IMMP2L: variants seen among roughly 807,000 people sequenced by gnomAD.
The protein encoded by IMMP2L is mitochondrial inner membrane protease subunit 2.
Under a neutral mutation model 19.3 loss-of-function variants are expected in IMMP2L, and 18 were observed. That is an observed-to-expected ratio of 0.93 (90% confidence interval 0.64 to 1.38). IMMP2L has a LOEUF of 1.38. IMMP2L is among the 40% of genes most tolerant of loss of function. The pLI, the probability that IMMP2L is intolerant of heterozygous loss-of-function variation, is 0.00. For synonymous variants in IMMP2L, 76 were observed against 73.0 expected (o/e 1.04, Z -0.21); for missense variants, 233 against 218.2 (o/e 1.07, Z -0.43).
intron 3 of IMMP2L, among the ~76,000 whole-genome samples, chr7:111,375,550 G>C (rs1321880747): frequency 2.0e-5 from 3 of 151,710 alleles, no homozygotes; most frequent in Non-Finnish European, 1.5e-5. Flanking sequence ...TTTCAAGATG[G>C]AGTCTTGCTC....
At chr7:111,054,029 T>A (rs1279650690) in intron 3 of IMMP2L, among the ~76,000 whole-genome samples, 3 of 113,518 alleles carry the variant, frequency 2.6e-5, no homozygotes, top group African/African-American at 6.6e-5. Context: ...GAATTGGTAA[T>A]TTGTAATGAC....
chr7:111,319,890 G>A (rs914550338), intron 3 of IMMP2L, among the ~76,000 whole-genome samples: 4 of 151,942 alleles, frequency 2.6e-5, no homozygotes, highest in Admixed American at 6.6e-5. Context: ...ATGGGAGGTC[G>A]TAACAATGAC....
chr7:111,235,879 T>A (rs1027114976), intron 3 of IMMP2L, among the ~76,000 whole-genome samples: 10 of 152,096 alleles, frequency 6.6e-5, no homozygotes, highest in Admixed American at 2.0e-4. Flanking sequence ...TTAGCCATTA[T>A]TCTCTCTGTG....
chr7:110,956,633 T>C (rs748805813), intron 4 of IMMP2L, among the ~76,000 whole-genome samples: 1 of 151,954 alleles, frequency 6.6e-6, no homozygotes, highest in Non-Finnish European at 1.5e-5. Context: ...AGTGTCCTAG[T>C]TTAGATGATA....
At chr7:110,820,164 C>T (rs1008991930) in intron 5 of IMMP2L, among the ~76,000 whole-genome samples, 4 of 151,974 alleles carry the variant, frequency 2.6e-5, no homozygotes, top group Admixed American at 2.0e-4. Flanking sequence ...CTTCAGGGTA[C>T]AATACAAAAT....
intron 3 of IMMP2L, among the ~76,000 whole-genome samples, chr7:110,983,775 C>T (rs1478868750): frequency 1.3e-5 from 2 of 151,852 alleles, no homozygotes; most frequent in Non-Finnish European, 2.9e-5. Flanking sequence ...CCTCCTCTGT[C>T]CACATACATT....
chr7:111,014,538 T>C (rs986985748), intron 3 of IMMP2L, among the ~76,000 whole-genome samples: 2 of 152,002 alleles, frequency 1.3e-5, no homozygotes, highest in African/African-American at 2.4e-5. Flanking sequence ...TTCTTGGATA[T>C]GAAATGAAAA....
At chr7:111,054,941 T>A (rs1239847341) in intron 3 of IMMP2L, among the ~76,000 whole-genome samples, 2 of 152,042 alleles carry the variant, frequency 1.3e-5, no homozygotes, top group African/African-American at 2.4e-5. Flanking sequence ...AATACAGCAA[T>A]AAATTAGGAA....
Position 110,924,723 on chromosome 7 carries a change from C to T in IMMP2L, c.306-38028G>A, listed in dbSNP as rs1166434425. Among the ~76,000 whole-genome samples the T allele has an allele frequency of 1.3e-5, 2 of 152,034 alleles. No homozygotes were observed. The highest frequency in any genetic ancestry group is 2.9e-5 in the Non-Finnish European group (2 of 67,990). On this transcript the variant is annotated intron_variant, in intron 4 of 5. Transcript: ENST00000405709. The surrounding 1 kb of genome is among the most constrained non-coding windows in gnomAD (Gnocchi z 4.2). ...AATGGCCTCATTTCTTCTTTCAGTGCTTTGGAAGGTACAGGAACAGCATTT... is the reference window on the plus strand; with the variant it reads ...AATGGCCTCATTTCTTCTTTCAGTGTTTTGGAAGGTACAGGAACAGCATTT...
At chr7:110,916,625 C>T (rs1021230416) in intron 4 of IMMP2L, among the ~76,000 whole-genome samples, 1 of 152,186 alleles carries the variant, frequency 6.6e-6, no homozygotes, top group Non-Finnish European at 1.5e-5. Flanking sequence ...CATCCCCACA[C>T]AGATGCAAAT....
At chr7:110,773,822 C>G (rs1017827819) in intron 5 of IMMP2L, among the ~76,000 whole-genome samples, 6 of 112,220 alleles carry the variant, frequency 5.3e-5, no homozygotes, top group Non-Finnish European at 1.1e-4. Flanking sequence ...AGTTAATAGT[C>G]TATTCTTTTT....
intron 3 of IMMP2L, among the ~76,000 whole-genome samples, chr7:111,423,030 G>A (rs1304335449): frequency 4.6e-5 from 7 of 151,790 alleles, no homozygotes; most frequent in Admixed American, 1.3e-4. Flanking sequence ...TTATTGATTT[G>A]CATATATTGA....
At chr7:111,472,489 A>G (rs1407673841) in intron 3 of IMMP2L, among the ~76,000 whole-genome samples, 2 of 152,158 alleles carry the variant, frequency 1.3e-5, no homozygotes, top group African/African-American at 4.8e-5. Flanking sequence ...GCTTTGCCCA[A>G]TAAAATCTTC....
chr7:110,864,074 T>C (rs1005912482), intron 5 of IMMP2L, among the ~76,000 whole-genome samples: 1 of 152,248 alleles, frequency 6.6e-6, no homozygotes, highest in African/African-American at 2.4e-5. Flanking sequence ...GGATTTGTTA[T>C]GTTAGTTAAT....
At chr7:110,926,258 A>G (rs1435607456) in intron 4 of IMMP2L, among the ~76,000 whole-genome samples, 1 of 152,094 alleles carries the variant, frequency 6.6e-6, no homozygotes. Context: ...TTAAATAGGA[A>G]GGATTCACAT....
At chr7:111,053,998 A>G (rs1334859178) in intron 3 of IMMP2L, among the ~76,000 whole-genome samples, 6 of 152,322 alleles carry the variant, frequency 3.9e-5, no homozygotes, top group African/African-American at 1.4e-4. Flanking sequence ...TATATGAATC[A>G]TTACCATGAG....
chr7:111,159,593 T>C (rs2129606015), intron 3 of IMMP2L, among the ~76,000 whole-genome samples: 1 of 152,224 alleles, frequency 6.6e-6, no homozygotes, highest in South Asian at 2.1e-4. Flanking sequence ...AATTTTGAAA[T>C]AAGCTAACTG....
chr7:110,819,115 CA>C (rs1369050731), intron 5 of IMMP2L, among the ~76,000 whole-genome samples: 1 of 150,032 alleles, frequency 6.7e-6, no homozygotes, highest in East Asian at 2.0e-4. Context: ...ATAATAATAA[CA>C]AAATAAAAAA....
chr7:110,861,706 G>A (rs374345211), intron 5 of IMMP2L, among the ~76,000 whole-genome samples: 1 of 145,508 alleles, frequency 6.9e-6, no homozygotes, highest in South Asian at 2.1e-4. Flanking sequence ...AAATACTACT[G>A]AAAGGTCCCA....
Sources: gnomAD v4.1 joint callset for allele counts (sites outside exome capture counted in the v4.1 genomes callset) on GRCh38, gnomAD v4.1.1 for gene constraint, Gnocchi (gnomAD v3.1) non-coding constraint, MANE v1.5 for transcripts, NCBI Gene and HGNC (gene_info 2026-07-23, HGNC 2026-07-21) for gene names.